NR1I2: variants seen among roughly 807,000 people sequenced by gnomAD.
NR1I2 encodes nuclear receptor subfamily 1 group I member 2.
A neutral mutation model predicts 43.3 loss-of-function variants in NR1I2; 42 were observed. The ratio of observed to expected loss-of-function variants is 0.97; its 90% CI spans 0.76 to 1.26. The LOEUF is 1.26. NR1I2 is among the 50% of genes most tolerant of loss of function. The probability of loss-of-function intolerance (pLI) is 0.00; values close to 1 mark genes in which losing one functional copy is unlikely to be tolerated. For missense variants in NR1I2, 559 were observed against 566.7 expected (o/e 0.99, Z 0.14); for synonymous variants, 229 against 215.0 (o/e 1.06, Z -0.57).
At chr3:119,813,616 C>A (rs1295613195) in intron 5 of NR1I2, among the ~76,000 whole-genome samples, 1 of 152,138 alleles carries the variant, frequency 6.6e-6, no homozygotes, top group African/African-American at 2.4e-5. Context: ...TGAAACACAC[C>A]TGCCACAAGC....
intron 8 of NR1I2, 135 bp from the exon 9 acceptor site, chr3:119,816,933 C>T (rs28365102): frequency 0.019 from 21,855 of 1,129,922 alleles, 262 homozygotes; most frequent in Non-Finnish European, 0.025. Flanking sequence ...GAGAAGCTTA[C>T]GGAATTCAGC....
In NR1I2 at chr3:119,801,841, C is replaced by T. The variant is rs551577645; in HGVS notation, c.-22-5388C>T. The stretch of plus-strand genomic sequence containing the variant: ...ACATCTGCTGTTTGGTGAGGGCGGC[C>T]GGGAGGCTGGGGTGGCTGGTCCTGT... On this transcript the variant is annotated intron_variant, in intron 1 of 8. Transcript: ENST00000393716. 6.6e-5 allele frequency among the ~76,000 whole-genome samples: 10 copies of T among 152,190 alleles called. 1 individual carries two copies. Among genetic ancestry groups the T allele is most frequent in the South Asian group, 2.1e-4 (1 of 4,804 alleles).
chr3:119,804,172 C>T (rs1269728412), intron 1 of NR1I2, among the ~76,000 whole-genome samples: 3 of 150,978 alleles, frequency 2.0e-5, no homozygotes, highest in Non-Finnish European at 3.0e-5. Flanking sequence ...GAGATCGAGA[C>T]CATCCTGGCC....
rs200172588 is a variant in NR1I2, at chr3:119,797,186, A to G, written c.-22-10043A>G. Among the ~76,000 whole-genome samples, 153 of 145,180 alleles carry G rather than the reference A, an allele frequency of 1.1e-3. 1 individual carries two copies. The highest frequency in any genetic ancestry group is 2.6e-3 in the African/African-American group (102 of 38,956). ...GCAAATGAAGTAACTGCACAAAGAT[A>G]TGTGTGTGTGTGTGTGTGTGTGTGT... On this transcript the variant is annotated intron_variant, in intron 1 of 8. Transcript: ENST00000393716.
chr3:119,787,302 G>T (rs895077894), intron 1 of NR1I2, among the ~76,000 whole-genome samples: 2 of 149,170 alleles, frequency 1.3e-5, no homozygotes, highest in Admixed American at 6.7e-5. Context: ...AAAAAAAAAA[G>T]TTCCGTCATT....
chr3:119,793,811 T>C (rs1018282966), intron 1 of NR1I2, among the ~76,000 whole-genome samples: 4 of 152,176 alleles, frequency 2.6e-5, no homozygotes, highest in African/African-American at 9.7e-5. Context: ...GCCTTTATTC[T>C]ATCTACCATA....
At chr3:119,816,170 G>T (rs28365100) in intron 8 of NR1I2, among the ~76,000 whole-genome samples, 12 of 152,320 alleles carry the variant, frequency 7.9e-5, no homozygotes, top group Admixed American at 6.5e-4. Flanking sequence ...GTATTATAGT[G>T]TGAACCTATA....
In NR1I2 at chr3:119,807,352, A is replaced by T. The variant is rs747640055; in HGVS notation, c.102A>T (p.Glu34Asp). 1.9e-6 allele frequency: 3 copies of T among 1,614,222 alleles called. No individual in the cohort carries two copies. The highest frequency in any genetic ancestry group is 1.3e-5 in the African/African-American group (1 of 75,062). Residue 34 changes from glutamate to aspartate, a missense_variant, in exon 2 of 9, where the codon GAA becomes GAT. Physicochemically the swap from Glu to Asp is conservative, Grantham distance 45. Around this residue, in one of 3 missense-constraint regions of NR1I2, gnomAD observed 232 missense variants for 236.6 expected, o/e 0.98. Coordinates refer to ENST00000393716, the MANE Select transcript of NR1I2 (RefSeq NM_003889.4). ...AGCCCAGTGTCAACGCAGATGAGGAAGTCGGAGGTCCCCAAATCTGCCGTG... is the reference window on the plus strand; with the variant it reads ...AGCCCAGTGTCAACGCAGATGAGGATGTCGGAGGTCCCCAAATCTGCCGTG...
At position 119,817,160 on chromosome 3, in the gene NR1I2, A is replaced by G; in HGVS notation, c.1253A>G (p.His418Arg). 1 of 1,613,834 alleles carries G rather than the reference A, an allele frequency of 6.2e-7. No homozygotes were observed. The highest frequency in any genetic ancestry group is 1.3e-5 in the African/African-American group (1 of 74,908). ...CGGCTGCTGCGCATCCAGGACATAC[A>G]CCCCTTTGCTACGCCCCTCATGCAG... The change falls in exon 9 of 9, where the codon CAC (histidine) becomes CGC (arginine). Residue 418 changes from histidine to arginine, a missense_variant. By Grantham distance (29) the His-to-Arg change is conservative. Around this residue, in one of 3 missense-constraint regions of NR1I2, gnomAD observed 323 missense variants for 312.2 expected, o/e 1.03. Transcript: ENST00000393716.
rs780228223 is a variant in NR1I2, at chr3:119,807,344, G to T, written c.94G>T (p.Asp32Tyr). ...TCCTGGAAAGCCCAGTGTCAACGCA[G>T]ATGAGGAAGTCGGAGGTCCCCAAAT... Residue 32 changes from aspartate (D) to tyrosine (Y), a missense_variant, in exon 2 of 9, where the codon GAT (aspartate) becomes TAT (tyrosine). Physicochemically the swap from Asp to Tyr is radical, Grantham distance 160 (BLOSUM62 -3). Around this residue, in one of 3 missense-constraint regions of NR1I2, gnomAD observed 232 missense variants for 236.6 expected, o/e 0.98. Coordinates refer to ENST00000393716, the MANE Select transcript of NR1I2 (RefSeq NM_003889.4). 6.2e-6 allele frequency: 10 copies of T among 1,614,258 alleles called. No homozygotes were observed. The Admixed American group carries it at 1.0e-4, about 16-fold the overall frequency.
At position 119,807,469 on chromosome 3, in the gene NR1I2, C is replaced by A. The variant is rs181113325; in HGVS notation, c.197+22C>A. ...TCAGGTAGAGTTACCCATCAGCCTT[C>A]ACCCACGTGCCACCACTGACCCACT... On this transcript the variant is annotated intron_variant, in intron 2 of 8. Coordinates refer to ENST00000393716, the MANE Select transcript of NR1I2 (RefSeq NM_003889.4). The A allele has an allele frequency of 1.4e-5, 22 of 1,601,980 alleles. No homozygotes were observed. The African/African-American group carries it at 2.5e-4, about 19-fold the overall frequency.
At chr3:119,798,966 C>A (rs991729432) in intron 1 of NR1I2, among the ~76,000 whole-genome samples, 4 of 152,110 alleles carry the variant, frequency 2.6e-5, no homozygotes, top group Admixed American at 2.6e-4. Context: ...ATATGTGGGT[C>A]GGGTTTTGGG....
chr3:119,789,537 A>G (rs2054889576), intron 1 of NR1I2, among the ~76,000 whole-genome samples: 3 of 152,232 alleles, frequency 2.0e-5, no homozygotes. Flanking sequence ...CGCCCCCATG[A>G]TTCAATTACC....
intron 1 of NR1I2, among the ~76,000 whole-genome samples, chr3:119,805,138 G>A (rs940338844): frequency 2.6e-5 from 4 of 151,950 alleles, no homozygotes; most frequent in Admixed American, 6.6e-5. Flanking sequence ...TTTTATGGTC[G>A]TTTATTCTTT....
At chr3:119,795,201 C>A (rs1192783399) in intron 1 of NR1I2, among the ~76,000 whole-genome samples, 1 of 152,150 alleles carries the variant, frequency 6.6e-6, no homozygotes, top group Non-Finnish European at 1.5e-5. Context: ...CAGCGACTCT[C>A]CGGCTGTGAC....
rs569296887 is a variant in NR1I2 at position 119,787,729 on chromosome 3, ATAG to A, written c.-23+5433_-23+5435del. ...TGTGGTGTGTATGTGTATCTTGGAGATAGTAGGATGATTATATATATATTTAAT... is the reference window on the plus strand; with the variant it reads ...TGTGGTGTGTATGTGTATCTTGGAGATAGGATGATTATATATATATTTAAT... On this transcript the variant is annotated intron_variant, in intron 1 of 8. Transcript: ENST00000393716. Among the ~76,000 whole-genome samples, 193 of 63,250 alleles carry A rather than the reference ATAG, an allele frequency of 3.1e-3. 2 individuals are homozygous for A. The highest frequency in any genetic ancestry group is 6.1e-3 in the African/African-American group (189 of 31,216). The allele number at this position is 63,250 out of a possible 152,430, so 41.5% of individuals were successfully genotyped here.
intron 1 of NR1I2, among the ~76,000 whole-genome samples, chr3:119,797,692 A>G (rs551883907): frequency 6.6e-6 from 1 of 152,296 alleles, no homozygotes; most frequent in African/African-American, 2.4e-5. Flanking sequence ...ATATGCACCC[A>G]CATATTTACC....
chr3:119,815,592 C>A, intron 7 of NR1I2, 134 bp from the exon 8 acceptor site: 1 of 1,008,736 alleles, frequency 9.9e-7, no homozygotes, highest in Non-Finnish European at 1.5e-6. Context: ...TGATGCCCAG[C>A]CCTGGTCTTC....
At chr3:119,814,586 G>A (rs1313428171) in intron 5 of NR1I2, among the ~76,000 whole-genome samples, 3 of 152,226 alleles carry the variant, frequency 2.0e-5, no homozygotes, top group Non-Finnish European at 4.4e-5. Context: ...GGGGCTAGCA[G>A]GATATACTAA....
Sources: allele counts gnomAD v4.1 joint callset (sites outside exome capture counted in the v4.1 genomes callset), GRCh38; gene constraint gnomAD v4.1.1; regional missense constraint gnomAD v4.1.1; transcripts MANE v1.5; gene names NCBI Gene and HGNC (gene_info 2026-07-23, HGNC 2026-07-21).